Variants in TMEM184B observed in about 807,000 individuals in gnomAD.
TMEM184B encodes putative MAPK-activating protein FM08.
TMEM184B carries 17 observed loss-of-function variants against 41.8 expected under a neutral mutation model. The observed-to-expected ratio is 0.41, with a 90% CI of 0.28 to 0.61. TMEM184B has a LOEUF of 0.61. TMEM184B is among the 20% of genes least tolerant of loss of function. TMEM184B has a pLI of 0.34. For synonymous variants in TMEM184B, 240 were observed against 229.5 expected (o/e 1.05, Z -0.41); for missense variants, 393 against 557.8 (o/e 0.70, Z 2.98).
downstream of TMEM184B, among the ~76,000 whole-genome samples, chr22:38,217,930 T>C (rs1405904470): frequency 6.6e-6 from 1 of 151,964 alleles, no homozygotes; most frequent in Non-Finnish European, 1.5e-5. Flanking sequence ...GAGCTATGAT[T>C]GCACCACTGC....
Position 38,247,850 on chromosome 22 carries a change from G to T in TMEM184B, c.112C>A (p.Pro38Thr). Residue 38 changes from proline to threonine, a missense_variant, in exon 2 of 9, where the codon CCT (proline) becomes ACT (threonine). By Grantham distance (38) the Pro-to-Thr change is conservative. Coordinates refer to ENST00000361906, the MANE Select transcript of TMEM184B (RefSeq NM_012264.5). ...PEGSPTAMEQ[P>T]VFLMTTAAQA... The stretch of plus-strand genomic sequence containing the variant: ...GCGGCAGTTGTCATCAGGAACACAG[G>T]CTGCTCCATGGCAGTGGGGCTGCCC... The T allele has an allele frequency of 1.2e-6, 2 of 1,613,786 alleles. No individual in the cohort carries two copies. Among genetic ancestry groups the T allele is most frequent in the Non-Finnish European group, 1.7e-6 (2 of 1,179,958 alleles).
At position 38,221,507 on chromosome 22, in the gene TMEM184B, C is replaced by T. The variant is rs373937441; in HGVS notation, c.1186G>A (p.Glu396Lys). The T allele has an allele frequency of 1.9e-6, 3 of 1,613,098 alleles. No individual in the cohort carries two copies. The highest frequency in any genetic ancestry group is 1.7e-6 in the Non-Finnish European group (2 of 1,179,764). ...TCAGAGCTGAGCAGGAGAGTCTTCT[C>T]GTTGTCGCGGGCGCCACTGAGGCTG... Reference protein sequence around the residue: ...SHSLSGARDNEKTLLLSSDDE... With the variant: ...SHSLSGARDNKKTLLLSSDDE... The change falls in exon 9 of 9, where the codon GAG becomes AAG. Residue 396 changes from glutamate (E) to lysine (K), a missense_variant. By Grantham distance (56) the Glu-to-Lys change is moderately conservative. Around this residue, in one of 2 missense-constraint regions of TMEM184B, gnomAD observed 271 missense variants for 434.1 expected, o/e 0.62. Coordinates refer to ENST00000361906, the MANE Select transcript of TMEM184B (RefSeq NM_012264.5).
chr22:38,221,654 G>C lies in TMEM184B; in HGVS notation c.1039C>G (p.His347Asp). The change falls in exon 9 of 9, where the codon CAC becomes GAC. Residue 347 changes from histidine (H) to aspartate (D), a missense_variant. His to Asp is a moderately conservative substitution (Grantham distance 81). Transcript: ENST00000361906. ...TGGATGGCGTCCTGCACGATGTCGT[G>C]CGGGTTCATGGTCTCCTTGAGGCTG... ...SSSLKETMNPHDIVQDAIHNF... is the reference protein window; with the variant it reads ...SSSLKETMNPDDIVQDAIHNF... 6.2e-7 allele frequency: 1 copy of C among 1,614,132 alleles called. No homozygotes were observed. The highest frequency in any genetic ancestry group is 8.5e-7 in the Non-Finnish European group (1 of 1,179,996).
At chr22:38,261,449 A>G (rs2092367293) in intron 1 of TMEM184B, among the ~76,000 whole-genome samples, 2 of 152,142 alleles carry the variant, frequency 1.3e-5, no homozygotes, top group African/African-American at 2.4e-5. Flanking sequence ...TCTCTCAACC[A>G]GGAAAGCAAA....
chr22:38,253,619 A>G (rs971386876), intron 1 of TMEM184B, among the ~76,000 whole-genome samples: 3 of 152,162 alleles, frequency 2.0e-5, no homozygotes, highest in African/African-American at 7.2e-5. Context: ...ATAAACCCTT[A>G]CACATATACA....
At chr22:38,248,056 G>A (rs2092078173) in intron 1 of TMEM184B, 37 bp from the exon 2 acceptor site, 2 of 1,469,056 alleles carry the variant, frequency 1.4e-6, no homozygotes, top group Non-Finnish European at 1.8e-6. Flanking sequence ...TCTCCTCCCA[G>A]GGCAAGTGGC....
intron 8 of TMEM184B, 120 bp downstream of exon 8, chr22:38,224,665 G>C: frequency 1.0e-6 from 1 of 1,001,332 alleles, no homozygotes; most frequent in Non-Finnish European, 1.4e-6. Flanking sequence ...TGCATATAGA[G>C]TGGGGATCCC....
At position 38,225,289 on chromosome 22, in the gene TMEM184B, C is replaced by G; in HGVS notation, c.787+135G>C. On this transcript the variant is annotated intron_variant, in intron 7 of 8. Transcript: ENST00000361906. This position sits in a 1 kb window ranked among gnomAD's most constrained non-coding sequence, Gnocchi z 4.4. ...GCCCTCGAGGGCTCAGATTTCACCC[C>G]CAGCAAGTGCCCAGTGGGCTGAGGC... The G allele has an allele frequency of 8.3e-7, 1 of 1,198,398 alleles. No homozygotes were observed. Among genetic ancestry groups the G allele is most frequent in the Non-Finnish European group, 1.1e-6 (1 of 871,974 alleles). 74.2% of individuals were successfully genotyped at this position (1,198,398 alleles called of 1,614,324 possible).
chr22:38,257,348 C>T (rs1468736507), intron 1 of TMEM184B, among the ~76,000 whole-genome samples: 2 of 151,954 alleles, frequency 1.3e-5, no homozygotes, highest in African/African-American at 2.4e-5. Context: ...GGAAATGTAC[C>T]GGCCAAATTT....
chr22:38,217,440 A>T (rs1368016462), downstream of TMEM184B, among the ~76,000 whole-genome samples: 1 of 130,800 alleles, frequency 7.6e-6, no homozygotes, highest in South Asian at 2.5e-4. Context: ...GGAGATCGAG[A>T]CCATCCTGGC....
At chr22:38,242,625 G>C (rs1174310579) in intron 3 of TMEM184B, among the ~76,000 whole-genome samples, 2 of 152,258 alleles carry the variant, frequency 1.3e-5, no homozygotes, top group Non-Finnish European at 2.9e-5. Flanking sequence ...CACTGAGAAG[G>C]AAGGGTGAGA....
intron 3 of TMEM184B, among the ~76,000 whole-genome samples, chr22:38,240,195 A>T (rs2091872913): frequency 6.6e-6 from 1 of 152,182 alleles, no homozygotes; most frequent in African/African-American, 2.4e-5. Flanking sequence ...AGAAGAAAGG[A>T]ATTCAAGAGA....
At chr22:38,240,409 AAAAAC>A (rs2091878453) in intron 3 of TMEM184B, among the ~76,000 whole-genome samples, 1 of 152,152 alleles carries the variant, frequency 6.6e-6, no homozygotes. Flanking sequence ...ATCAAAAACA[AAAAAC>A]AAAACAAAAC....
intron 1 of TMEM184B, chr22:38,272,464 C>T (rs985822996): frequency 1.3e-5 from 13 of 985,376 alleles, no homozygotes; most frequent in Non-Finnish European, 1.6e-5. Flanking sequence ...AGGTCACTGC[C>T]ACCCGCACAG....
chr22:38,220,332 C>T lies in TMEM184B; in HGVS notation c.*1137G>A, dbSNP rs2091223836. The T allele has an allele frequency of 3.0e-6, 3 of 986,072 alleles. No individual in the cohort carries two copies. Among genetic ancestry groups the T allele is most frequent in the African/African-American group, 1.7e-5 (1 of 57,294 alleles). The allele number at this position is 986,072 out of a possible 1,614,324, so 61.1% of individuals were successfully genotyped here. On this transcript the variant is annotated 3_prime_UTR_variant, in exon 9 of 9. Transcript: ENST00000361906. ...CAGCTGAACTAAGAGCCCCAGGGAGCGTGTGGGACAGATGGGGAGCCAGGG... is the reference window on the plus strand; with the variant it reads ...CAGCTGAACTAAGAGCCCCAGGGAGTGTGTGGGACAGATGGGGAGCCAGGG...
rs60704295 is a variant in TMEM184B at position 38,259,939 on chromosome 22, C to CT, written c.-58-11921dup. ...TACAGGCACGTGCCACCACGCCTGG[C>CT]TTTTTTTTTTTTTTTTTTTTGTGAG... On this transcript the variant is annotated intron_variant, in intron 1 of 8. Coordinates refer to ENST00000361906, the MANE Select transcript of TMEM184B (RefSeq NM_012264.5). Among the ~76,000 whole-genome samples the CT allele has an allele frequency of 1.5e-3, 131 of 87,382 alleles. 3 individuals carry two copies. Among genetic ancestry groups the CT allele is most frequent in the South Asian group, 3.8e-3 (10 of 2,602 alleles). 57.3% of individuals were successfully genotyped at this position (87,382 alleles called of 152,430 possible).
rs1279642778 is a variant in TMEM184B at position 38,231,766 on chromosome 22, A to AGGAGGACGTCTTGAGTCTG, written c.359-451_359-433dup. 73 of 354,770 alleles carry AGGAGGACGTCTTGAGTCTG rather than the reference A, an allele frequency of 2.1e-4. 1 individual carries two copies. The highest frequency in any genetic ancestry group is 1.0e-3 in the African/African-American group (47 of 46,926). 22.0% of individuals were successfully genotyped at this position (354,770 alleles called of 1,614,324 possible). ...CTGTGGTCCCAGCTACTGCTGCGGC[A>AGGAGGACGTCTTGAGTCTG]GGAGGACGTCTTGAGTCTGGGAGTT... On this transcript the variant is annotated intron_variant, in intron 3 of 8. Transcript: ENST00000361906.
chr22:38,240,637 G>A (rs368645227), intron 3 of TMEM184B, among the ~76,000 whole-genome samples: 11 of 149,716 alleles, frequency 7.3e-5, no homozygotes, highest in African/African-American at 2.2e-4. Context: ...CCAGGTTGCC[G>A]AGCACAATGA....
downstream of TMEM184B, among the ~76,000 whole-genome samples, chr22:38,218,973 A>C (rs549779354): frequency 2.0e-5 from 3 of 152,294 alleles, no homozygotes; most frequent in Non-Finnish European, 2.9e-5. Context: ...ATCCCAGGAA[A>C]TCCTGGGAGA....
Sources: allele counts gnomAD v4.1 joint callset (sites outside exome capture counted in the v4.1 genomes callset), GRCh38; gene constraint gnomAD v4.1.1; regional missense constraint gnomAD v4.1.1; non-coding constraint Gnocchi (gnomAD v3.1); transcripts MANE v1.5; gene names NCBI Gene and HGNC (gene_info 2026-07-23, HGNC 2026-07-21).